Variants in SIK3 observed in about 807,000 individuals in gnomAD.
SIK3 encodes the protein SIK family kinase 3.
Under a neutral mutation model 144.2 loss-of-function variants are expected in SIK3, and 28 were observed. The observed-to-expected ratio is 0.19, with a 90% confidence interval of 0.14 to 0.27. SIK3 has a LOEUF of 0.27. Ranked by LOEUF, SIK3 falls within the 10% of genes least tolerant of loss-of-function variation. The pLI is 1.00. For synonymous variants in SIK3, 686 were observed against 676.3 expected (o/e 1.01, Z -0.22); for missense variants, 1,319 against 1,776.0 (o/e 0.74, Z 4.62).
chr11:116,918,486 T>C (rs977706678), intron 4 of SIK3, among the ~76,000 whole-genome samples: 6 of 152,138 alleles, frequency 3.9e-5, no homozygotes, highest in African/African-American at 1.4e-4. Flanking sequence ...ATTCCCCCTT[T>C]TTCTAATTAT....
At chr11:116,948,599 G>T (rs1444226970) in intron 3 of SIK3, among the ~76,000 whole-genome samples, 1 of 152,092 alleles carries the variant, frequency 6.6e-6, no homozygotes, top group Non-Finnish European at 1.5e-5. Flanking sequence ...TTAAGGGACT[G>T]TAGTAATGTT....
intron 1 of SIK3, among the ~76,000 whole-genome samples, chr11:116,960,355 A>G (rs622302): frequency 0.054 from 8,186 of 152,018 alleles, 462 homozygotes; most frequent in African/African-American, 0.14. Flanking sequence ...GTGAGACCTC[A>G]TCTCTACAAA....
At chr11:116,887,179 C>T (rs991033513) in intron 6 of SIK3, among the ~76,000 whole-genome samples, 6 of 142,870 alleles carry the variant, frequency 4.2e-5, no homozygotes, top group South Asian at 2.2e-4. Context: ...CAGAGCCAGG[C>T]GGATTGCTTG....
intron 15 of SIK3, 102 bp from the exon 16 acceptor site, chr11:116,863,920 CCAGGT>C: frequency 8.1e-7 from 1 of 1,234,688 alleles, no homozygotes; most frequent in Non-Finnish European, 1.1e-6. Context: ...GGCTGGCTGC[CCAGGT>C]AGCCCTGCAT....
chr11:116,943,488 C>T (rs1948422635), intron 3 of SIK3, among the ~76,000 whole-genome samples: 1 of 152,176 alleles, frequency 6.6e-6, no homozygotes, highest in Admixed American at 6.5e-5. Flanking sequence ...AATGTAACCT[C>T]TTCAAGGTCT....
At chr11:116,870,498 T>C (rs1591426759) in intron 13 of SIK3, 97 bp from the exon 14 acceptor site, 1 of 1,535,274 alleles carries the variant, frequency 6.5e-7, no homozygotes, top group East Asian at 2.3e-5. Context: ...TTCTGTTAAC[T>C]TTCTTATTTA....
chr11:117,019,369 A>G (rs750108440), intron 1 of SIK3, among the ~76,000 whole-genome samples: 3 of 152,178 alleles, frequency 2.0e-5, no homozygotes, highest in Non-Finnish European at 4.4e-5. Context: ...GGAAATGTAT[A>G]TATCACAGAA....
In SIK3 at chr11:116,965,732, AAAATATATATATATATATATAT is replaced by A. The variant is rs1478231343; in HGVS notation, c.274-8690_274-8669del. ...AACATGGTGAAAACCCGTCTCTGCT[AAAATATATATATATATATATAT>A]ATATATATATATATATATATATATA... On this transcript the variant is annotated intron_variant, in intron 1 of 24. Coordinates refer to ENST00000445177, the MANE Select transcript of SIK3 (RefSeq NM_001366686.3). 7.1e-3 allele frequency among the ~76,000 whole-genome samples: 551 copies of A among 77,308 alleles called. 7 individuals are homozygous for A. The highest frequency in any genetic ancestry group is 0.028 in the African/African-American group (484 of 17,334). 50.7% of individuals were successfully genotyped at this position (77,308 alleles called of 152,430 possible).
chr11:116,899,720 G>A (rs1030085998), intron 4 of SIK3, among the ~76,000 whole-genome samples: 7 of 152,138 alleles, frequency 4.6e-5, no homozygotes, highest in African/African-American at 1.7e-4. Context: ...AGCAAGGATG[G>A]CTGGCCAAAG....
chr11:116,847,667 C>T (rs924378981), intron 22 of SIK3, 59 bp from the exon 23 acceptor site: 2 of 1,605,124 alleles, frequency 1.2e-6, no homozygotes, highest in African/African-American at 2.7e-5. Flanking sequence ...CAGGCAACCC[C>T]TAGAGACAGC....
chr11:116,930,017 T>C (rs1186192466), intron 3 of SIK3, among the ~76,000 whole-genome samples: 2 of 152,028 alleles, frequency 1.3e-5, no homozygotes, highest in East Asian at 3.9e-4. Context: ...TAGTTATAGA[T>C]ACAAAGAAGA....
chr11:117,086,154 A>G (rs1353526394), intron 1 of SIK3, among the ~76,000 whole-genome samples: 1 of 152,146 alleles, frequency 6.6e-6, no homozygotes. Context: ...TAACCCCACA[A>G]CATACTAAGC....
chr11:117,045,184 T>C (rs1295558838), intron 1 of SIK3, among the ~76,000 whole-genome samples: 1 of 152,194 alleles, frequency 6.6e-6, no homozygotes, highest in Non-Finnish European at 1.5e-5. Flanking sequence ...GATTTGTCAA[T>C]ATATAACCAA....
At chr11:117,064,532 G>A (rs1953927173) in intron 1 of SIK3, among the ~76,000 whole-genome samples, 1 of 152,106 alleles carries the variant, frequency 6.6e-6, no homozygotes, top group South Asian at 2.1e-4. Context: ...CTTTTCTACT[G>A]ATAAGCACTG....
intron 13 of SIK3, among the ~76,000 whole-genome samples, chr11:116,871,589 C>CA (rs1365690247): frequency 6.6e-6 from 1 of 152,160 alleles, no homozygotes; most frequent in African/African-American, 2.4e-5. Context: ...GGGCTGGTGG[C>CA]AGGGATCAGG....
intron 1 of SIK3, among the ~76,000 whole-genome samples, chr11:117,073,619 C>T (rs1167050311): frequency 6.6e-6 from 1 of 152,164 alleles, no homozygotes; most frequent in Non-Finnish European, 1.5e-5. Context: ...ACATAGGAGG[C>T]ACTTAGCATA....
chr11:116,910,082 T>C (rs1198459739), intron 4 of SIK3, among the ~76,000 whole-genome samples: 1 of 152,174 alleles, frequency 6.6e-6, no homozygotes, highest in Admixed American at 6.5e-5. Flanking sequence ...ATTAGTCACA[T>C]GATTGAAAAT....
At chr11:117,029,778 T>C (rs1316404102) in intron 1 of SIK3, among the ~76,000 whole-genome samples, 6 of 152,128 alleles carry the variant, frequency 3.9e-5, no homozygotes, top group African/African-American at 1.4e-4. Context: ...GGTTGGATAA[T>C]GAGTTCAGTT....
chr11:117,039,515 A>G (rs1952652915), intron 1 of SIK3, among the ~76,000 whole-genome samples: 1 of 152,242 alleles, frequency 6.6e-6, no homozygotes, highest in Non-Finnish European at 1.5e-5. Context: ...TGTACACTAC[A>G]ATTCTCACTG....
Sources: gnomAD v4.1 joint callset for allele counts (sites outside exome capture counted in the v4.1 genomes callset) on GRCh38, gnomAD v4.1.1 for gene constraint, MANE v1.5 for transcripts, NCBI Gene and HGNC (gene_info 2026-07-23, HGNC 2026-07-21) for gene names.